Variants in EFHD1 observed in about 807,000 individuals in gnomAD.
The protein encoded by EFHD1 is EF-hand domain-containing protein D1.
Under a neutral mutation model 17.2 loss-of-function variants are expected in EFHD1, and 10 were observed. That is an observed-to-expected ratio of 0.58 (90% confidence interval 0.36 to 0.99). EFHD1 has a LOEUF of 0.99. Ranked by LOEUF, EFHD1 falls within the 50% of genes least tolerant of loss-of-function variation. The pLI, the probability that EFHD1 is intolerant of heterozygous loss-of-function variation, is 0.01. For synonymous variants in EFHD1, 153 were observed against 142.0 expected (o/e 1.08, Z -0.55); for missense variants, 310 against 327.5 (o/e 0.95, Z 0.41).
chr2:232,675,468 G>T (rs1036042436), intron 3 of EFHD1, among the ~76,000 whole-genome samples: 1 of 152,084 alleles, frequency 6.6e-6, no homozygotes, highest in Admixed American at 6.5e-5. Context: ...GCCTTCCCCC[G>T]ACTGCTGAGT....
At chr2:232,635,062 C>T (rs1197844148) in intron 1 of EFHD1, among the ~76,000 whole-genome samples, 2 of 152,160 alleles carry the variant, frequency 1.3e-5, no homozygotes, top group African/African-American at 2.4e-5. Flanking sequence ...TGGGAGCCTC[C>T]GCCTCCTCTG....
At chr2:232,648,990 T>C (rs1694586651) in intron 1 of EFHD1, among the ~76,000 whole-genome samples, 1 of 152,140 alleles carries the variant, frequency 6.6e-6, no homozygotes. Context: ...GAGAGATCCC[T>C]GGGGAGTTTC....
At chr2:232,666,090 C>A (rs1215840146) in intron 2 of EFHD1, among the ~76,000 whole-genome samples, 1 of 152,216 alleles carries the variant, frequency 6.6e-6, no homozygotes, top group Non-Finnish European at 1.5e-5. Context: ...ACAAGCCCCT[C>A]CCTCAGCCAT....
chr2:232,628,983 G>T (rs13003774), upstream of EFHD1, among the ~76,000 whole-genome samples: 1 of 149,446 alleles, frequency 6.7e-6, no homozygotes, highest in Non-Finnish European at 1.5e-5. Flanking sequence ...GAGGCCACGT[G>T]TGGGTGTTTC....
intron 3 of EFHD1, among the ~76,000 whole-genome samples, chr2:232,673,673 T>C (rs1695118542): frequency 6.6e-6 from 1 of 152,000 alleles, no homozygotes; most frequent in African/African-American, 2.4e-5. Context: ...AGTGGTGTTA[T>C]AATTTATCGT....
At chr2:232,612,555 T>A (rs1191910835) in intron 1 of EFHD1, among the ~76,000 whole-genome samples, 1 of 152,146 alleles carries the variant, frequency 6.6e-6, no homozygotes, top group African/African-American at 2.4e-5. Context: ...GAAATGCTCC[T>A]TGAAACCACA....
chr2:232,663,013 G>C, intron 2 of EFHD1, 64 bp downstream of exon 2: 1 of 1,465,416 alleles, frequency 6.8e-7, no homozygotes, highest in Non-Finnish European at 9.0e-7. Context: ...CAGGTGTACA[G>C]CCCACTGGAG....
intron 1 of EFHD1, among the ~76,000 whole-genome samples, chr2:232,640,246 C>G (rs1380346425): frequency 6.6e-6 from 1 of 151,898 alleles, no homozygotes; most frequent in Non-Finnish European, 1.5e-5. Flanking sequence ...AACTGGTAAA[C>G]AGGAATACTT....
chr2:232,624,162 T>C (rs1417299494), intron 1 of EFHD1, among the ~76,000 whole-genome samples: 1 of 152,226 alleles, frequency 6.6e-6, no homozygotes, highest in Non-Finnish European at 1.5e-5. Flanking sequence ...ATAAGACTGA[T>C]GTTTTCTTTA....
At chr2:232,620,280 C>G (rs1340474089) in intron 1 of EFHD1, among the ~76,000 whole-genome samples, 2 of 149,598 alleles carry the variant, frequency 1.3e-5, no homozygotes, top group East Asian at 4.1e-4. Context: ...CCCAGCTACT[C>G]GGGAGGCTGA....
chr2:232,646,855 C>T (rs539020089), intron 1 of EFHD1, among the ~76,000 whole-genome samples: 17 of 152,372 alleles, frequency 1.1e-4, no homozygotes, highest in African/African-American at 3.8e-4. Flanking sequence ...GCAGTCCCCA[C>T]GCCCAGCCCA....
intron 1 of EFHD1, among the ~76,000 whole-genome samples, chr2:232,657,010 G>A (rs893112726): frequency 2.6e-4 from 39 of 152,172 alleles, no homozygotes; most frequent in African/African-American, 2.4e-5. Flanking sequence ...AAACTCCTAG[G>A]CTCAAGTGAT....
At chr2:232,613,227 C>T (rs1021751249) in intron 1 of EFHD1, among the ~76,000 whole-genome samples, 2 of 151,852 alleles carry the variant, frequency 1.3e-5, no homozygotes, top group Non-Finnish European at 2.9e-5. Flanking sequence ...AGTTCAAGAC[C>T]AGCCTGACTA....
intron 1 of EFHD1, among the ~76,000 whole-genome samples, chr2:232,620,577 C>G (rs1187623907): frequency 6.6e-6 from 1 of 151,690 alleles, no homozygotes; most frequent in Admixed American, 6.6e-5. Context: ...GAGACAGGGT[C>G]TGGCTGTGTT....
intron 2 of EFHD1, among the ~76,000 whole-genome samples, chr2:232,669,389 G>A (rs899944320): frequency 3.9e-5 from 6 of 152,268 alleles, no homozygotes; most frequent in East Asian, 3.9e-4. Flanking sequence ...CCACGGTAGC[G>A]TTAGGACCCT....
Position 232,654,789 on chromosome 2 carries a change from G to A in EFHD1, c.303-8013G>A, listed in dbSNP as rs547243917. Among the ~76,000 whole-genome samples the A allele has an allele frequency of 4.6e-5, 7 of 152,240 alleles. No homozygotes were observed. In the South Asian group the frequency reaches 1.5e-3, roughly 32 times the overall value. On this transcript the variant is annotated intron_variant, in intron 1 of 3. Transcript: ENST00000264059. Reference sequence around the variant, plus strand: ...GGAGAGCCTCTTGTCCCTCACATGTGACAGCCCCTCTGTGTCTGCGGGAGG... The same window carrying A: ...GGAGAGCCTCTTGTCCCTCACATGTAACAGCCCCTCTGTGTCTGCGGGAGG...
In EFHD1 at chr2:232,615,312, AGTGT is replaced by A. The variant is rs35239145; in HGVS notation, c.14+9176_14+9179del. ...CCTGCATTGTTCAAGTGTCAACTAT[AGTGT>A]GTGTGTGTGTGTGTGTGTGTGTGTG... is the stretch of plus-strand genomic sequence containing the variant. On this transcript the variant is annotated intron_variant, in intron 1 of 3. Transcript: ENST00000409613. 3.4e-3 allele frequency among the ~76,000 whole-genome samples: 460 copies of A among 136,570 alleles called. 2 individuals are homozygous for A. Among genetic ancestry groups the A allele is most frequent in the African/African-American group, 7.0e-3 (264 of 37,536 alleles). The allele number at this position is 136,570 out of a possible 152,430, so 89.6% of individuals were successfully genotyped here.
intron 1 of EFHD1, among the ~76,000 whole-genome samples, chr2:232,626,183 C>T (rs1247933587): frequency 1.3e-5 from 2 of 150,460 alleles, no homozygotes; most frequent in Non-Finnish European, 3.0e-5. Flanking sequence ...CAGAACAAGA[C>T]CTTGTGTCCA....
At chr2:232,613,621 C>T (rs141848469) in intron 1 of EFHD1, among the ~76,000 whole-genome samples, 16 of 140,286 alleles carry the variant, frequency 1.1e-4, no homozygotes, top group Non-Finnish European at 1.7e-4. Context: ...CACACACACA[C>T]ACACACACAC....
Sources: allele counts gnomAD v4.1 joint callset (sites outside exome capture counted in the v4.1 genomes callset), GRCh38; gene constraint gnomAD v4.1.1; transcripts MANE v1.5; gene names NCBI Gene and HGNC (gene_info 2026-07-23, HGNC 2026-07-21).